ZDHHC17: variants seen among roughly 807,000 people sequenced by gnomAD.
ZDHHC17 encodes the protein zDHHC palmitoyltransferase 17.
Under a neutral mutation model 90.3 loss-of-function variants are expected in ZDHHC17, and 40 were observed. The ratio of observed to expected loss-of-function variants is 0.44; its 90% CI spans 0.34 to 0.58. ZDHHC17 has a LOEUF of 0.58. Ranked by LOEUF, ZDHHC17 falls within the 20% of genes least tolerant of loss-of-function variation. The probability of loss-of-function intolerance (pLI) is 0.01; values close to 1 mark genes in which losing one functional copy is unlikely to be tolerated. For missense variants in ZDHHC17, 614 were observed against 780.8 expected, an observed-to-expected ratio of 0.79 and a Z score of 2.55; for synonymous variants, 235 against 252.4, an observed-to-expected ratio of 0.93 and a Z score of 0.65.
intron 1 of ZDHHC17, among the ~76,000 whole-genome samples, chr12:76,777,043 A>G (rs1275459021): frequency 6.6e-6 from 1 of 152,164 alleles, no homozygotes; most frequent in Non-Finnish European, 1.5e-5. Flanking sequence ...ACACCTTGCA[A>G]AATTATAGGA....
intron 10 of ZDHHC17, among the ~76,000 whole-genome samples, chr12:76,832,656 GC>G (rs1295032561): frequency 1.3e-5 from 2 of 152,188 alleles, no homozygotes; most frequent in African/African-American, 4.8e-5. Flanking sequence ...CCTGAATGAA[GC>G]TTATCTAACA....
In ZDHHC17 at chr12:76,797,941, CCACACACACA is replaced by C. The variant is rs60610921; in HGVS notation, c.197+432_197+441del. Among the ~76,000 whole-genome samples the C allele has an allele frequency of 2.7e-3, 405 of 147,456 alleles. 4 individuals are homozygous for C. The highest frequency in any genetic ancestry group is 8.7e-3 in the African/African-American group (348 of 40,142). ...CCTAGGCAACAAGAGTGAAACTCTG[CCACACACACA>C]CACACACACACACACACACACACAC... On this transcript the variant is annotated intron_variant, in intron 2 of 16. Transcript: ENST00000426126.
At chr12:76,778,270 C>A (rs1404754081) in intron 1 of ZDHHC17, among the ~76,000 whole-genome samples, 1 of 151,996 alleles carries the variant, frequency 6.6e-6, no homozygotes, top group Non-Finnish European at 1.5e-5. Context: ...TAGAAGGGCA[C>A]GATTTCAGCT....
At position 76,851,062 on chromosome 12, in the gene ZDHHC17, A is replaced by G; in HGVS notation, c.*77A>G. Reference sequence around the variant, plus strand: ...CTGTCCGTGTCTTTCTCACACTCGAATCCACATCCTTTGAACAAGAGCATG... The same window carrying G: ...CTGTCCGTGTCTTTCTCACACTCGAGTCCACATCCTTTGAACAAGAGCATG... On this transcript the variant is annotated 3_prime_UTR_variant, in exon 17 of 17. Transcript: ENST00000426126. The G allele has an allele frequency of 1.3e-6, 2 of 1,574,348 alleles. No individual in the cohort carries two copies. Among genetic ancestry groups the G allele is most frequent in the Admixed American group, 3.6e-5 (2 of 55,468 alleles).
At position 76,806,314 on chromosome 12, in the gene ZDHHC17, C is replaced by T. The variant is rs192458632; in HGVS notation, c.320+875C>T. Among the ~76,000 whole-genome samples the T allele has an allele frequency of 9.2e-5, 14 of 151,916 alleles. No homozygotes were observed. In the East Asian group the frequency reaches 2.5e-3, roughly 27 times the overall value. On this transcript the variant is annotated intron_variant, in intron 3 of 16. Coordinates refer to ENST00000426126, the MANE Select transcript of ZDHHC17 (RefSeq NM_015336.4). ...TTTTTTTGAGATGGGGTTTTGTTCTCGTTGCCCAGGCTGGAGTGTAATGGC... is the reference window on the plus strand; with the variant it reads ...TTTTTTTGAGATGGGGTTTTGTTCTTGTTGCCCAGGCTGGAGTGTAATGGC...
At chr12:76,825,918 A>G (rs1953224764) in intron 8 of ZDHHC17, among the ~76,000 whole-genome samples, 1 of 152,034 alleles carries the variant, frequency 6.6e-6, no homozygotes, top group Non-Finnish European at 1.5e-5. Context: ...GGGCTCAGGT[A>G]ATCCTCCCAC....
At position 76,852,246 on chromosome 12, in the gene ZDHHC17, CT is replaced by C. The variant is rs1953576481; in HGVS notation, c.*1262del. ...AGATTTGGTTTATTCATCTTAAGTG[CT>C]GTAGCAAACTGTGGTTCGAGCAACC... On this transcript the variant is annotated 3_prime_UTR_variant, in exon 17 of 17. Transcript: ENST00000426126. The C allele has an allele frequency of 6.6e-6, 1 of 152,548 alleles. No individual in the cohort carries two copies. Among genetic ancestry groups the C allele is most frequent in the Non-Finnish European group, 1.5e-5 (1 of 68,030 alleles). 9.4% of individuals were successfully genotyped at this position (152,548 alleles called of 1,614,324 possible). A position where few individuals can be genotyped will look rare whatever the true frequency, so the allele number is the denominator to read the frequency against.
intron 1 of ZDHHC17, among the ~76,000 whole-genome samples, chr12:76,783,265 G>A (rs1041246509): frequency 7.9e-5 from 12 of 152,284 alleles, no homozygotes; most frequent in African/African-American, 1.2e-4. Flanking sequence ...AGAAATACCC[G>A]AGACTGGGTA....
At chr12:76,849,119 A>T (rs1281915719) in intron 15 of ZDHHC17, among the ~76,000 whole-genome samples, 4 of 95,930 alleles carry the variant, frequency 4.2e-5, no homozygotes, top group African/African-American at 1.6e-4. Flanking sequence ...CCCTATCTCT[A>T]AAAAAAAAAA....
chr12:76,797,347 A>G (rs1161215943), intron 1 of ZDHHC17, 87 bp from the exon 2 acceptor site: 2 of 815,822 alleles, frequency 2.5e-6, no homozygotes, highest in Non-Finnish European at 3.6e-6. Context: ...TTTCTCAAAC[A>G]ACACAAAAGC....
intron 1 of ZDHHC17, among the ~76,000 whole-genome samples, chr12:76,794,978 AT>A (rs1359681720): frequency 6.6e-6 from 1 of 152,168 alleles, no homozygotes; most frequent in Non-Finnish European, 1.5e-5. Flanking sequence ...CCTTTTGGAT[AT>A]TATGTTGCCC....
intron 7 of ZDHHC17, among the ~76,000 whole-genome samples, chr12:76,819,813 G>A (rs1953139239): frequency 6.6e-6 from 1 of 152,062 alleles, no homozygotes; most frequent in Admixed American, 6.6e-5. Context: ...CCTCAACATG[G>A]AGAAACCCTG....
chr12:76,767,757 T>C (rs973419496), intron 1 of ZDHHC17, among the ~76,000 whole-genome samples: 2 of 152,060 alleles, frequency 1.3e-5, no homozygotes, highest in African/African-American at 2.4e-5. Flanking sequence ...TTGTCTCTAT[T>C]AAAAATACAA....
At chr12:76,764,821 A>G (rs1952413025) in intron 1 of ZDHHC17, 2 of 456,520 alleles carry the variant, frequency 4.4e-6, no homozygotes, top group African/African-American at 2.0e-5. Context: ...AGGTAATGCC[A>G]TGGGTAGCAC....
intron 2 of ZDHHC17, among the ~76,000 whole-genome samples, chr12:76,803,475 C>T (rs1005076078): frequency 6.6e-6 from 1 of 152,154 alleles, no homozygotes; most frequent in Non-Finnish European, 1.5e-5. Context: ...ATACCCACAT[C>T]ATAAACGTCA....
chr12:76,778,475 G>A (rs953424696), intron 1 of ZDHHC17, among the ~76,000 whole-genome samples: 1 of 152,106 alleles, frequency 6.6e-6, no homozygotes, highest in Non-Finnish European at 1.5e-5. Context: ...TGCCTGCCTC[G>A]GCCTCCCAGA....
At chr12:76,778,447 T>A (rs1005888218) in intron 1 of ZDHHC17, among the ~76,000 whole-genome samples, 2 of 152,142 alleles carry the variant, frequency 1.3e-5, no homozygotes, top group Admixed American at 1.3e-4. Flanking sequence ...GGTCTCAAAC[T>A]CATGACCTCA....
intron 2 of ZDHHC17, among the ~76,000 whole-genome samples, chr12:76,797,941 CCACACACACACACA>C (rs60610921): frequency 2.0e-5 from 3 of 147,476 alleles, no homozygotes; most frequent in East Asian, 2.0e-4. Flanking sequence ...TGAAACTCTG[CCACACACACACACA>C]CACACACACA....
At position 76,797,445 on chromosome 12, in the gene ZDHHC17, C is replaced by T; in HGVS notation, c.105C>T (p.Pro35=). The T allele has an allele frequency of 6.2e-7, 1 of 1,602,364 alleles. No individual in the cohort carries two copies. Among genetic ancestry groups the T allele is most frequent in the Non-Finnish European group, 8.5e-7 (1 of 1,174,840 alleles). Residue 35 remains proline, a synonymous_variant, in exon 2 of 17, where the codon CCC becomes CCT. Coordinates refer to ENST00000426126, the MANE Select transcript of ZDHHC17 (RefSeq NM_015336.4). ...VPLLHPEEIK[P]QSHYNHGYGE... The stretch of plus-strand genomic sequence containing the variant: ...TTTCTTTTTAACAGGAAATCAAACC[C>T]CAAAGCCATTATAACCATGGATATG...
Sources: gnomAD v4.1 joint callset for allele counts (sites outside exome capture counted in the v4.1 genomes callset) on GRCh38, gnomAD v4.1.1 for gene constraint, MANE v1.5 for transcripts, NCBI Gene and HGNC (gene_info 2026-07-23, HGNC 2026-07-21) for gene names.